Variants in INSR observed in about 807,000 individuals in gnomAD.
INSR encodes the protein IR.
A neutral mutation model predicts 142.6 loss-of-function variants in INSR; 67 were observed. The ratio of observed to expected loss-of-function variants is 0.47; its 90% CI spans 0.39 to 0.58. INSR has a LOEUF of 0.58. Ranked by LOEUF, INSR falls within the 20% of genes least tolerant of loss-of-function variation. The probability of loss-of-function intolerance (pLI) is 0.00; values close to 1 mark genes in which losing one functional copy is unlikely to be tolerated. For synonymous variants in INSR, 756 were observed against 743.1 expected (o/e 1.02, Z -0.28); for missense variants, 1,248 against 1,833.2 (o/e 0.68, Z 5.83).
At chr19:7,194,424 G>A (rs72998175) in intron 2 of INSR, among the ~76,000 whole-genome samples, 5 of 148,058 alleles carry the variant, frequency 3.4e-5, no homozygotes, top group African/African-American at 5.0e-5. Context: ...CTCAAAAAAA[G>A]AAAAAAAAAT....
At position 7,166,414 on chromosome 19, in the gene INSR, C is replaced by T. The variant is rs1973891178; in HGVS notation, c.1611-10G>A. 6.2e-7 allele frequency: 1 copy of T among 1,613,346 alleles called. No individual in the cohort carries two copies. The highest frequency in any genetic ancestry group is 1.7e-5 in the Admixed American group (1 of 59,918). ...CACATTCTGATAAGGGCTTTCAAGA[C>T]AAAACAGCAGAAGGCAGTTACCCTT... On this transcript the variant is annotated splice_polypyrimidine_tract_variant and intron_variant, in intron 7 of 21. Coordinates refer to ENST00000302850, the MANE Select transcript of INSR (RefSeq NM_000208.4). This position sits in a 1 kb window ranked among gnomAD's most constrained non-coding sequence, Gnocchi z 4.1.
chr19:7,220,574 C>G (rs1975581830), intron 2 of INSR, among the ~76,000 whole-genome samples: 1 of 152,152 alleles, frequency 6.6e-6, no homozygotes, highest in Non-Finnish European at 1.5e-5. Flanking sequence ...CAAGTGTGAG[C>G]CACTGTGCCC....
chr19:7,152,614 C>T (rs1973401518), intron 10 of INSR, 112 bp downstream of exon 10: 1 of 900,540 alleles, frequency 1.1e-6, no homozygotes, highest in Non-Finnish European at 1.9e-6. Flanking sequence ...CAGACTCCAC[C>T]CACCCTTCTG....
chr19:7,179,666 C>T (rs1198978686), intron 3 of INSR, among the ~76,000 whole-genome samples: 2 of 152,186 alleles, frequency 1.3e-5, no homozygotes, highest in African/African-American at 4.8e-5. Flanking sequence ...CCTGCTTTCA[C>T]GCTGCAAAGG....
intron 1 of INSR, among the ~76,000 whole-genome samples, chr19:7,269,368 G>A (rs1438376323): frequency 1.5e-5 from 2 of 132,264 alleles, no homozygotes; most frequent in Admixed American, 8.6e-5. Flanking sequence ...ATTAGGCTAA[G>A]TCGAGAAAAC....
At position 7,267,535 on chromosome 19, in the gene INSR, G is replaced by A. The variant is rs758233642; in HGVS notation, c.462C>T (p.Tyr154=). The A allele has an allele frequency of 2.5e-6, 4 of 1,614,000 alleles. No individual in the cohort carries two copies. Among genetic ancestry groups the A allele is most frequent in the Non-Finnish European group, 3.4e-6 (4 of 1,180,032 alleles). Residue 154 remains tyrosine (Y), a synonymous_variant, in exon 2 of 22, where the codon TAC becomes TAT. Transcript: ENST00000302850. The surrounding 1 kb of genome is among the most constrained non-coding windows in gnomAD (Gnocchi z 6.3). ...VRIEKNNELC[Y]LATIDWSRIL... is the part of the protein sequence containing the mutation. ...TACGGGACCAGTCGATAGTGGCCAAGTAACAGAGCTCATTGTTCTTCTCGA... is the reference window on the plus strand; with the variant it reads ...TACGGGACCAGTCGATAGTGGCCAAATAACAGAGCTCATTGTTCTTCTCGA...
chr19:7,274,804 CAA>C (rs772807729), intron 1 of INSR, among the ~76,000 whole-genome samples: 47 of 83,120 alleles, frequency 5.7e-4, no homozygotes, highest in Middle Eastern at 6.8e-3. Context: ...GACTGTGTCT[CAA>C]AAAAAAAAAA....
intron 14 of INSR, 66 bp downstream of exon 14, chr19:7,132,092 G>A: frequency 1.2e-6 from 2 of 1,600,082 alleles, no homozygotes; most frequent in East Asian, 2.2e-5. Flanking sequence ...GTCATCCCCT[G>A]CAATGTCCCA....
Position 7,225,948 on chromosome 19 carries a change from A to G in INSR, c.653-41311T>C, listed in dbSNP as rs1221882369. On this transcript the variant is annotated intron_variant, in intron 2 of 21. Coordinates refer to ENST00000302850, the MANE Select transcript of INSR (RefSeq NM_000208.4). This position sits in a 1 kb window ranked among gnomAD's most constrained non-coding sequence, Gnocchi z 4.7. ...CCACCCCAGAGAACAATCCAGCCCCAGTATCCGCAGGCCCCAGGTGGAGAA... is the reference window on the plus strand; with the variant it reads ...CCACCCCAGAGAACAATCCAGCCCCGGTATCCGCAGGCCCCAGGTGGAGAA... Among the ~76,000 whole-genome samples the G allele has an allele frequency of 6.6e-6, 1 of 152,178 alleles. No individual in the cohort carries two copies. Among genetic ancestry groups the G allele is most frequent in the Non-Finnish European group, 1.5e-5 (1 of 68,028 alleles).
Position 7,158,371 on chromosome 19 carries a change from G to C in INSR, c.2029+4661C>G, listed in dbSNP as rs952161141. Among the ~76,000 whole-genome samples, 18 of 152,090 alleles carry C rather than the reference G, an allele frequency of 1.2e-4. No individual in the cohort carries two copies. In the East Asian group the frequency reaches 3.3e-3, roughly 28 times the overall value. ...AAAAAATTAGCCGGGCGTGGTGGCG[G>C]GCGCCTGTAGTCCCAGCTACTCGGG... is the stretch of plus-strand genomic sequence containing the variant. On this transcript the variant is annotated intron_variant, in intron 9 of 21. Transcript: ENST00000302850.
intron 2 of INSR, among the ~76,000 whole-genome samples, chr19:7,221,406 A>AGGAAAG (rs749970430): frequency 5.1e-4 from 60 of 118,586 alleles, no homozygotes; most frequent in Admixed American, 3.6e-4. Flanking sequence ...GAGGAGGAGG[A>AGGAAAG]AAGAAGAAGA....
chr19:7,293,943 C>CG lies in INSR; in HGVS notation c.-53dup. Reference sequence around the variant, plus strand: ...GATCAGAGCGCGCGGCGCTGGCCCGCGGGGGTCATGCTCCGAGGCGGCCAC... The same window carrying CG: ...GATCAGAGCGCGCGGCGCTGGCCCGCGGGGGGTCATGCTCCGAGGCGGCCAC... On this transcript the variant is annotated 5_prime_UTR_variant, in exon 1 of 22. It removes the in-frame stop codon of an upstream open reading frame in the 5' UTR. Transcript: ENST00000302850. 8.6e-7 allele frequency: 1 copy of CG among 1,159,124 alleles called. No individual in the cohort carries two copies. The highest frequency in any genetic ancestry group is 1.1e-6 in the Non-Finnish European group (1 of 943,420). The allele number at this position is 1,159,124 out of a possible 1,614,324, so 71.8% of individuals were successfully genotyped here.
chr19:7,161,867 C>T (rs1041163167), intron 9 of INSR, among the ~76,000 whole-genome samples: 1 of 152,044 alleles, frequency 6.6e-6, no homozygotes, highest in African/African-American at 2.4e-5. Flanking sequence ...TCAGTGCGTG[C>T]TTGTGTTACG....
intron 1 of INSR, among the ~76,000 whole-genome samples, chr19:7,280,454 A>T (rs1271384930): frequency 6.6e-6 from 1 of 152,060 alleles, no homozygotes; most frequent in East Asian, 1.9e-4. Flanking sequence ...ATGGTAGCTC[A>T]CACCTGTAAT....
intron 2 of INSR, among the ~76,000 whole-genome samples, chr19:7,262,861 G>A (rs904776721): frequency 2.6e-5 from 4 of 152,240 alleles, no homozygotes; most frequent in African/African-American, 4.8e-5. Context: ...AGATGGTGGA[G>A]TGAGTGTTTC....
At chr19:7,211,624 C>T (rs908047348) in intron 2 of INSR, among the ~76,000 whole-genome samples, 1 of 152,098 alleles carries the variant, frequency 6.6e-6, no homozygotes, top group African/African-American at 2.4e-5. Flanking sequence ...CCCTCAGGAA[C>T]CAAAACATGC....
intron 2 of INSR, among the ~76,000 whole-genome samples, chr19:7,220,451 G>C (rs1254535772): frequency 1.3e-5 from 2 of 152,132 alleles, no homozygotes; most frequent in Non-Finnish European, 2.9e-5. Flanking sequence ...ACCACGCCTG[G>C]CTAATTTTTG....
chr19:7,202,649 C>T lies in INSR; in HGVS notation c.653-18012G>A, dbSNP rs529363770. 2.3e-3 allele frequency among the ~76,000 whole-genome samples: 353 copies of T among 151,766 alleles called. 1 individual carries two copies. The highest frequency in any genetic ancestry group is 8.0e-3 in the African/African-American group (330 of 41,328). On this transcript the variant is annotated intron_variant, in intron 2 of 21. Coordinates refer to ENST00000302850, the MANE Select transcript of INSR (RefSeq NM_000208.4). The stretch of plus-strand genomic sequence containing the variant: ...CAAGTAGCTAGGATTACAGGGTATG[C>T]GCCACCACCCTCAGCTAATTTTTGT...
intron 2 of INSR, among the ~76,000 whole-genome samples, chr19:7,252,764 T>C (rs10402346): frequency 0.38 from 57,627 of 151,950 alleles, 11,840 homozygotes; most frequent in African/African-American, 0.5. Context: ...ATGGAGTCAT[T>C]AAAGATCCAA....
Sources: gnomAD v4.1 joint callset for allele counts (sites outside exome capture counted in the v4.1 genomes callset) on GRCh38, gnomAD v4.1.1 for gene constraint, Gnocchi (gnomAD v3.1) non-coding constraint, MANE v1.5 for transcripts, NCBI Gene and HGNC (gene_info 2026-07-23, HGNC 2026-07-21) for gene names.